The following FBXO11 variants were observed in gnomAD, a reference collection of about 807,000 sequenced individuals.
The protein encoded by FBXO11 is F-box only protein 11.
A neutral mutation model predicts 117.0 loss-of-function variants in FBXO11; 13 were observed. The observed-to-expected ratio is 0.11, with a 90% confidence interval of 0.07 to 0.18. FBXO11 has a LOEUF of 0.18. Ranked by LOEUF, FBXO11 falls within the 10% of genes least tolerant of loss-of-function variation. The probability of loss-of-function intolerance (pLI) is 1.00; values close to 1 mark genes in which losing one functional copy is unlikely to be tolerated. For synonymous variants in FBXO11, 490 were observed against 380.5 expected, an observed-to-expected ratio of 1.29 and a Z score of -3.35; for missense variants, 767 against 1,164.4, an observed-to-expected ratio of 0.66 and a Z score of 4.97.
chr2:47,831,283 G>C (rs1056874525), intron 11 of FBXO11, among the ~76,000 whole-genome samples: 1 of 151,804 alleles, frequency 6.6e-6, no homozygotes, highest in South Asian at 2.1e-4. Flanking sequence ...AGGCGTGGTG[G>C]TGCATGCCTG....
intron 5 of FBXO11, 140 bp from the exon 6 acceptor site, chr2:47,835,011 CAATGTAA>C: frequency 1.5e-6 from 1 of 669,716 alleles, no homozygotes; most frequent in South Asian, 2.0e-5. Flanking sequence ...TGTCAGAGTA[CAATGTAA>C]AATCTAAAAC....
chr2:47,810,942 A>C (rs1421769736), intron 18 of FBXO11: 1 of 152,276 alleles, frequency 6.6e-6, no homozygotes, highest in African/African-American at 2.4e-5. Flanking sequence ...AACTACTTTC[A>C]GAATAAAGTT....
chr2:47,889,755 T>C (rs879655050), intron 1 of FBXO11, among the ~76,000 whole-genome samples: 11 of 152,130 alleles, frequency 7.2e-5, no homozygotes, highest in Non-Finnish European at 1.5e-4. Flanking sequence ...AAAGAAAATA[T>C]TCCCCACATA....
chr2:47,875,907 G>C (rs1273904322), intron 1 of FBXO11, among the ~76,000 whole-genome samples: 3 of 152,044 alleles, frequency 2.0e-5, no homozygotes, highest in Non-Finnish European at 2.9e-5. Flanking sequence ...TGGTTACTCA[G>C]GTTAAAAAAG....
In FBXO11 at chr2:47,818,870, AT is replaced by A. The variant is rs762479192; in HGVS notation, c.1921-7del. 9.6e-6 allele frequency: 15 copies of A among 1,569,786 alleles called. No homozygotes were observed. Among genetic ancestry groups the A allele is most frequent in the South Asian group, 4.7e-5 (4 of 84,236 alleles). ...TCATAAAAATAAACACCAACCTAAA[AT>A]TTAAAAAAAAAAAAAAAGCTTTTTC... On this transcript the variant is annotated splice_region_variant and splice_polypyrimidine_tract_variant and intron_variant, in intron 15 of 22. Coordinates refer to ENST00000403359, the MANE Select transcript of FBXO11 (RefSeq NM_001190274.2).
chr2:47,818,562 A>T (rs1211635638), intron 16 of FBXO11: 2 of 460,422 alleles, frequency 4.3e-6, no homozygotes, highest in African/African-American at 4.1e-5. Context: ...GAACGGTGGA[A>T]GTGAGCTCTT....
chr2:47,901,163 A>G (rs991746405), intron 1 of FBXO11, among the ~76,000 whole-genome samples: 5 of 132,416 alleles, frequency 3.8e-5, no homozygotes, highest in African/African-American at 1.3e-4. Context: ...ACATATATAC[A>G]TATATATGTA....
Position 47,906,397 on chromosome 2 carries a change from A to G in FBXO11, c.-677T>C, listed in dbSNP as rs1254152827. Among the ~76,000 whole-genome samples, 2 of 152,110 alleles carry G rather than the reference A, an allele frequency of 1.3e-5. No homozygotes were observed. The highest frequency in any genetic ancestry group is 4.1e-4 in the South Asian group (2 of 4,834). On this transcript the variant is annotated 5_prime_UTR_variant, in exon 1 of 23. Transcript: ENST00000403359. ...AGGCGTCGTCCTTCCTCCTCCTTAA[A>G]GGAACCTTTCCTCCTCCTCCTCGTC...
At chr2:47,835,401 T>G (rs181871952) in intron 5 of FBXO11, among the ~76,000 whole-genome samples, 1 of 152,242 alleles carries the variant, frequency 6.6e-6, no homozygotes, top group East Asian at 1.9e-4. Flanking sequence ...AGGCTACTAA[T>G]GCTTACTGTA....
Position 47,825,407 on chromosome 2 carries a change from G to A in FBXO11, c.1399-2047C>T, listed in dbSNP as rs554809342. 8.0e-4 allele frequency among the ~76,000 whole-genome samples: 121 copies of A among 151,540 alleles called. 1 individual carries two copies. Among genetic ancestry groups the A allele is most frequent in the South Asian group, 3.7e-3 (18 of 4,802 alleles). On this transcript the variant is annotated intron_variant, in intron 11 of 22. Transcript: ENST00000403359. The stretch of plus-strand genomic sequence containing the variant: ...ATAAATACACTGTTATGGCAAAACT[G>A]ACCATCAAAAAAACAAAAAGAGGCT...
Position 47,807,122 on chromosome 2 carries a change from G to A in FBXO11, c.*996C>T. 2.1e-6 allele frequency: 1 copy of A among 469,184 alleles called. No individual in the cohort carries two copies. Among genetic ancestry groups the A allele is most frequent in the Admixed American group, 3.7e-5 (1 of 27,190 alleles). The allele number at this position is 469,184 out of a possible 1,614,324, so 29.1% of individuals were successfully genotyped here. A position where few individuals can be genotyped will look rare whatever the true frequency, so the allele number is the denominator to read the frequency against. On this transcript the variant is annotated 3_prime_UTR_variant, in exon 23 of 23. Transcript: ENST00000403359. ...GTCACCAATACACATAAATGGGGGA[G>A]GAAAAGCTATGAAACTGTATAGGGC...
intron 1 of FBXO11, among the ~76,000 whole-genome samples, chr2:47,904,152 T>C (rs1678547481): frequency 1.3e-5 from 2 of 152,232 alleles, no homozygotes; most frequent in South Asian, 4.1e-4. Flanking sequence ...AAGGAAATAA[T>C]GTATAATTTT....
chr2:47,856,658 T>C (rs1674318747), intron 1 of FBXO11, among the ~76,000 whole-genome samples: 1 of 152,216 alleles, frequency 6.6e-6, no homozygotes, highest in African/African-American at 2.4e-5. Flanking sequence ...AACATAATTT[T>C]AGCACATATT....
chr2:47,873,402 A>G (rs1200371375), intron 1 of FBXO11, among the ~76,000 whole-genome samples: 2 of 152,128 alleles, frequency 1.3e-5, no homozygotes, highest in Non-Finnish European at 2.9e-5. Context: ...AAGTCTTACA[A>G]CCAGTGCTCC....
chr2:47,879,035 A>C (rs1002442604), intron 1 of FBXO11, among the ~76,000 whole-genome samples: 5 of 152,238 alleles, frequency 3.3e-5, no homozygotes, highest in Non-Finnish European at 7.3e-5. Context: ...CCCTTTCTCC[A>C]GGTAACGCAT....
intron 1 of FBXO11, among the ~76,000 whole-genome samples, chr2:47,853,523 A>G (rs546694746): frequency 1.1e-3 from 174 of 152,326 alleles, no homozygotes; most frequent in African/African-American, 4.1e-3. Context: ...GAGACAGTAT[A>G]GCACAATGAC....
chr2:47,859,191 T>C (rs1285099800), intron 1 of FBXO11, among the ~76,000 whole-genome samples: 2 of 152,182 alleles, frequency 1.3e-5, no homozygotes, highest in Non-Finnish European at 2.9e-5. Flanking sequence ...TCTTCAGAGA[T>C]ACGTATTTCC....
At position 47,813,956 on chromosome 2, in the gene FBXO11, A is replaced by AT. The variant is rs1670818683; in HGVS notation, c.2007-90dup. Reference sequence around the variant, plus strand: ...TGAGGTAAACAGTGGAGAAATCCACATAAGTCACTTAGTAAGAATTAACTA... The same window carrying AT: ...TGAGGTAAACAGTGGAGAAATCCACATTAAGTCACTTAGTAAGAATTAACTA... On this transcript the variant is annotated intron_variant, in intron 16 of 22. Transcript: ENST00000403359. 8 of 970,900 alleles carry AT rather than the reference A, an allele frequency of 8.2e-6. No individual in the cohort carries two copies. In the Middle Eastern group the frequency reaches 1.1e-3, roughly 129 times the overall value. The allele number at this position is 970,900 out of a possible 1,614,324, so 60.1% of individuals were successfully genotyped here.
rs1052013756 is a variant in FBXO11, at chr2:47,905,775, G to A, written c.-55C>T. Reference sequence around the variant, plus strand: ...AGGGACACACACACGCACACGCACAGCGAGCTTCGGGGCAGGAGAAAGGGG... The same window carrying A: ...AGGGACACACACACGCACACGCACAACGAGCTTCGGGGCAGGAGAAAGGGG... On this transcript the variant is annotated 5_prime_UTR_variant, in exon 1 of 23. Coordinates refer to ENST00000403359, the MANE Select transcript of FBXO11 (RefSeq NM_001190274.2). The A allele has an allele frequency of 2.2e-5, 31 of 1,405,968 alleles. No individual in the cohort carries two copies. The African/African-American group carries it at 4.2e-4, about 19-fold the overall frequency. The allele number at this position is 1,405,968 out of a possible 1,614,324, so 87.1% of individuals were successfully genotyped here.
Sources: allele counts gnomAD v4.1 joint callset (sites outside exome capture counted in the v4.1 genomes callset), GRCh38; gene constraint gnomAD v4.1.1; transcripts MANE v1.5; gene names NCBI Gene and HGNC (gene_info 2026-07-23, HGNC 2026-07-21).